Variants in SYTL2 observed in about 807,000 individuals in gnomAD.
The protein encoded by SYTL2 is synaptotagmin like 2.
In SYTL2, 165 loss-of-function variants were observed where a neutral mutation model predicts 198.7. That is an observed-to-expected ratio of 0.83 (90% confidence interval 0.73 to 0.94). The LOEUF (loss-of-function observed/expected upper bound fraction) is 0.94, where lower values mean the gene tolerates loss of function less well. Ranked by LOEUF, SYTL2 falls within the 40% of genes least tolerant of loss-of-function variation. SYTL2 has a pLI of 0.00. For synonymous variants in SYTL2, 966 were observed against 917.7 expected (o/e 1.05, Z -0.95); for missense variants, 2,835 against 2,582.8 (o/e 1.10, Z -2.12).
At chr11:85,842,060 T>C in the SYTL2 span, among the ~76,000 whole-genome samples, 1 of 152,156 alleles carries the variant, frequency 6.6e-6, no homozygotes, top group African/African-American at 2.4e-5. Flanking sequence ...AATGGTGGTA[T>C]AATGGTGAAG....
chr11:85,850,848 A>C, the SYTL2 span, among the ~76,000 whole-genome samples: 4 of 150,108 alleles, frequency 2.7e-5, no homozygotes, highest in African/African-American at 9.7e-5. Context: ...ATGCAGCCAT[A>C]AAAAATGATG....
chr11:85,736,455 C>A, intron 6 of SYTL2, 46 bp downstream of exon 6: 1 of 1,013,018 alleles, frequency 9.9e-7, no homozygotes. Flanking sequence ...CCTTAGTCCA[C>A]AGATAACAAA....
In SYTL2 at chr11:85,714,393, G is replaced by A; in HGVS notation, c.5625+20C>T. On this transcript the variant is annotated intron_variant, in intron 12 of 19. Transcript: ENST00000359152. ...AACCCTCTGTCTCCATTTTTCTGAA[G>A]GTACAAAAGACAAACTTGCCTCATC... is the stretch of plus-strand genomic sequence containing the variant. 1 of 1,585,886 alleles carries A rather than the reference G, an allele frequency of 6.3e-7. No homozygotes were observed.
Position 85,696,393 on chromosome 11 carries a change from A to T in SYTL2, c.6369-5T>A. On this transcript the variant is annotated splice_polypyrimidine_tract_variant and splice_region_variant and intron_variant, in intron 18 of 19. Transcript: ENST00000359152. ...CTTGTATCTGGAAGGATGGTACTAC[A>T]AAAAGAGGCATGATTGTGGGAGCAT... 1 of 1,611,802 alleles carries T rather than the reference A, an allele frequency of 6.2e-7. No individual in the cohort carries two copies. The highest frequency in any genetic ancestry group is 8.5e-7 in the Non-Finnish European group (1 of 1,177,918).
chr11:85,749,086 T>G (rs1458871465), intron 2 of SYTL2, among the ~76,000 whole-genome samples: 1 of 152,274 alleles, frequency 6.6e-6, no homozygotes, highest in East Asian at 1.9e-4. Flanking sequence ...CAAGTTCCAT[T>G]TGTGCAGATC....
chr11:85,714,849 T>C, intron 11 of SYTL2: 1 of 272,196 alleles, frequency 3.7e-6, no homozygotes, highest in Non-Finnish European at 6.3e-6. Flanking sequence ...GACCACAAAG[T>C]CTGTACTTTA....
At chr11:85,772,442 G>A (rs1359634759) in intron 1 of SYTL2, among the ~76,000 whole-genome samples, 16 of 152,144 alleles carry the variant, frequency 1.1e-4, no homozygotes, top group Admixed American at 1.0e-3. Context: ...CTATAAGGTT[G>A]TATTACTAAA....
At chr11:85,805,279 C>T (rs962874737) in intron 1 of SYTL2, among the ~76,000 whole-genome samples, 3 of 151,080 alleles carry the variant, frequency 2.0e-5, no homozygotes, top group East Asian at 1.9e-4. Context: ...CTGCTTGAGC[C>T]CAGGAGTTCA....
Position 85,745,669 on chromosome 11 carries a change from C to T in SYTL2, c.357G>A (p.Glu119=). 1 of 1,613,796 alleles carries T rather than the reference C, an allele frequency of 6.2e-7. No homozygotes were observed. The highest frequency in any genetic ancestry group is 8.5e-7 in the Non-Finnish European group (1 of 1,179,714). Residue 119 remains glutamate, a synonymous_variant, in exon 4 of 20, where the codon GAG becomes GAA. Transcript: ENST00000359152. The part of the protein sequence containing the change: ...LPPELAGVVE[E]PEEDAAPASP... ...TTGCTGGTGCTGCATCTTCTTCTGG[C>T]TCTTCTACAACGCCAGCCAGCTCTG...
the SYTL2 span, chr11:85,854,348 T>C: frequency 1.3e-5 from 2 of 150,366 alleles, no homozygotes; most frequent in Non-Finnish European, 3.0e-5. Context: ...AAGAAAATTA[T>C]CTTGCGGCAG....
chr11:85,724,559 TC>T lies in SYTL2; in HGVS notation c.4798del (p.Glu1600SerfsTer22). 1.9e-6 allele frequency: 3 copies of T among 1,613,966 alleles called. No individual in the cohort carries two copies. The highest frequency in any genetic ancestry group is 1.7e-5 in the Admixed American group (1 of 60,000). ...CACTGTCCCCAAGAACCTGGTCTGC[TC>T]TGACTGTGAGGACTCCTTCTCGTGA... is the stretch of plus-strand genomic sequence containing the variant. ...ETHEKESSQS[E>X]QTRFLGTVPH... On this transcript the variant is annotated frameshift_variant, in exon 8 of 20. Transcript: ENST00000359152. LOFTEE classifies it high-confidence loss of function.
the SYTL2 span, among the ~76,000 whole-genome samples, chr11:85,832,203 G>A: frequency 1.3e-5 from 2 of 152,098 alleles, no homozygotes; most frequent in South Asian, 2.1e-4. Flanking sequence ...TCATTGCCAG[G>A]CTCCATTATG....
At chr11:85,758,380 T>TTC in intron 1 of SYTL2, among the ~76,000 whole-genome samples, 1 of 152,294 alleles carries the variant, frequency 6.6e-6, no homozygotes, top group African/African-American at 2.4e-5. Flanking sequence ...AATGAACTGG[T>TTC]TCTCTCTCTG....
chr11:85,774,566 G>A (rs1004566829), intron 1 of SYTL2, among the ~76,000 whole-genome samples: 1 of 151,842 alleles, frequency 6.6e-6, no homozygotes, highest in Non-Finnish European at 1.5e-5. Context: ...TTGCAAGATA[G>A]AATGTTGTTA....
the SYTL2 span, chr11:85,854,244 G>T: frequency 6.7e-6 from 1 of 149,180 alleles, no homozygotes; most frequent in South Asian, 2.1e-4. Context: ...ATATTATCAA[G>T]AACTGTTATT....
chr11:85,848,605 T>C, the SYTL2 span, among the ~76,000 whole-genome samples: 3 of 152,238 alleles, frequency 2.0e-5, no homozygotes, highest in East Asian at 3.8e-4. Context: ...ATTGATCCTA[T>C]ATGTACAAGT....
At chr11:85,817,967 G>T in the SYTL2 span, among the ~76,000 whole-genome samples, 1 of 140,740 alleles carries the variant, frequency 7.1e-6, no homozygotes, top group East Asian at 2.2e-4. Flanking sequence ...GCAGTGGTGT[G>T]ATCTTGGCTC....
intron 1 of SYTL2, among the ~76,000 whole-genome samples, chr11:85,789,472 C>A (rs1270926825): frequency 6.8e-6 from 1 of 146,146 alleles, no homozygotes; most frequent in African/African-American, 2.5e-5. Flanking sequence ...TGGGCTCAAG[C>A]AAGCCTCTCA....
At chr11:85,817,994 C>G in the SYTL2 span, among the ~76,000 whole-genome samples, 1 of 149,800 alleles carries the variant, frequency 6.7e-6, no homozygotes, top group Non-Finnish European at 1.5e-5. Flanking sequence ...ACCTCTACCT[C>G]CCGGATTCAG....
Sources: allele counts gnomAD v4.1 joint callset (sites outside exome capture counted in the v4.1 genomes callset), GRCh38; gene constraint gnomAD v4.1.1; transcripts MANE v1.5; gene names NCBI Gene and HGNC (gene_info 2026-07-23, HGNC 2026-07-21).